The following LGR5 variants were observed in gnomAD, a reference collection of about 807,000 sequenced individuals.
LGR5 encodes the protein leucine-rich repeat-containing G protein-coupled receptor 5.
LGR5 carries 54 observed loss-of-function variants against 76.7 expected under a neutral mutation model. That is an observed-to-expected ratio of 0.70 (90% CI 0.57 to 0.88). The LOEUF is 0.88. Among genes scored for constraint, LGR5 ranks in the 40% least tolerant of loss-of-function variants. LGR5 has a pLI of 0.00. For synonymous variants in LGR5, 406 were observed against 421.9 expected, an observed-to-expected ratio of 0.96 and a Z score of 0.46; for missense variants, 1,078 against 1,073.3, an observed-to-expected ratio of 1.00 and a Z score of -0.06.
intron 14 of LGR5, 29 bp from the exon 15 acceptor site, chr12:71,578,775 A>C (rs765085045): frequency 6.3e-7 from 1 of 1,579,716 alleles, no homozygotes; most frequent in Non-Finnish European, 8.6e-7. Flanking sequence ...ACATAGACTA[A>C]AAGCCAATTG....
chr12:71,530,830 G>A (rs1236130138), intron 3 of LGR5, among the ~76,000 whole-genome samples: 1 of 152,108 alleles, frequency 6.6e-6, no homozygotes, highest in East Asian at 1.9e-4. Flanking sequence ...CTGTTCTCAT[G>A]TAGACCCAGA....
At chr12:71,444,591 C>T (rs1487110960) in intron 1 of LGR5, among the ~76,000 whole-genome samples, 1 of 151,998 alleles carries the variant, frequency 6.6e-6, no homozygotes, top group Admixed American at 6.6e-5. Context: ...GCATTTTCCT[C>T]AAAGTAAAGG....
chr12:71,531,211 A>G (rs1330067025), intron 3 of LGR5, among the ~76,000 whole-genome samples: 1 of 152,208 alleles, frequency 6.6e-6, no homozygotes, highest in African/African-American at 2.4e-5. Context: ...ACCTATATTC[A>G]GTATCTTTAT....
chr12:71,563,421 C>T (rs949065765), intron 8 of LGR5, among the ~76,000 whole-genome samples: 10 of 152,210 alleles, frequency 6.6e-5, no homozygotes, highest in African/African-American at 2.4e-4. Context: ...TGGCAGCACT[C>T]ATCTTCCTTG....
At chr12:71,582,942 GAGGA>G (rs72361433) in intron 17 of LGR5, among the ~76,000 whole-genome samples, 12,424 of 143,204 alleles carry the variant, frequency 0.087, 581 homozygotes, top group African/African-American at 0.11. Context: ...GTACAGATAA[GAGGA>G]AGGAAGGAAG....
chr12:71,584,194 T>G lies in LGR5; in HGVS notation c.2184T>G (p.Ala728=). The change falls in exon 18 of 18, where the codon GCT becomes GCG. Residue 728 remains alanine (A), a synonymous_variant. Transcript: ENST00000266674. ...GEPSTMGYMV[A]LILLNSLCFL... ...CCAGCACCATGGGCTACATGGTCGC[T>G]CTCATCTTGCTCAATTCCCTTTGCT... The G allele has an allele frequency of 6.2e-7, 1 of 1,614,134 alleles. No individual in the cohort carries two copies. The highest frequency in any genetic ancestry group is 8.5e-7 in the Non-Finnish European group (1 of 1,180,000).
Position 71,440,438 on chromosome 12 carries a change from G to C in LGR5, c.212+146G>C. 1.4e-6 allele frequency: 1 copy of C among 735,598 alleles called. No individual in the cohort carries two copies. The highest frequency in any genetic ancestry group is 1.6e-5 in the South Asian group (1 of 60,962). 45.6% of individuals were successfully genotyped at this position (735,598 alleles called of 1,614,324 possible). Reference sequence around the variant, plus strand: ...AAGGGCATCCTGGCCAGGCCTGTTAGGGCCCCCAGAGAAATGCACGTGTCT... The same window carrying C: ...AAGGGCATCCTGGCCAGGCCTGTTACGGCCCCCAGAGAAATGCACGTGTCT... On this transcript the variant is annotated intron_variant, in intron 1 of 17. Transcript: ENST00000266674. This position sits in a 1 kb window ranked among gnomAD's most constrained non-coding sequence, Gnocchi z 5.3.
chr12:71,469,208 A>C (rs1165042111), intron 1 of LGR5, among the ~76,000 whole-genome samples: 1 of 152,232 alleles, frequency 6.6e-6, no homozygotes, highest in East Asian at 1.9e-4. Flanking sequence ...ACCGACTTCC[A>C]AAGAGATTAT....
intron 4 of LGR5, among the ~76,000 whole-genome samples, chr12:71,552,093 G>A (rs1877513285): frequency 6.6e-6 from 1 of 151,904 alleles, no homozygotes; most frequent in Admixed American, 6.6e-5. Flanking sequence ...GGCAGGTGGG[G>A]GGCAAGGGGA....
At chr12:71,481,229 G>A (rs12815450) in intron 1 of LGR5, among the ~76,000 whole-genome samples, 13,572 of 151,996 alleles carry the variant, frequency 0.089, 648 homozygotes, top group Non-Finnish European at 0.11. Flanking sequence ...TATTTGTCCT[G>A]ATGATATCCC....
chr12:71,577,891 A>G (rs778534541), intron 13 of LGR5, 34 bp from the exon 14 acceptor site: 12 of 1,356,818 alleles, frequency 8.8e-6, no homozygotes, highest in East Asian at 2.3e-5. Flanking sequence ...TCTTTATTCT[A>G]TATAATTCTC....
At chr12:71,567,074 T>C (rs1878387846) in intron 11 of LGR5, 162 bp downstream of exon 11, 3 of 630,980 alleles carry the variant, frequency 4.8e-6, no homozygotes, top group Admixed American at 5.0e-5. Context: ...CCAGGCTCTC[T>C]GACATGATCC....
At chr12:71,553,907 A>G (rs1410309201) in intron 5 of LGR5, among the ~76,000 whole-genome samples, 1 of 152,176 alleles carries the variant, frequency 6.6e-6, no homozygotes, top group Non-Finnish European at 1.5e-5. Flanking sequence ...CCTGGTCAAC[A>G]TGGTGAAACC....
At chr12:71,466,411 G>A (rs1872865545) in intron 1 of LGR5, among the ~76,000 whole-genome samples, 1 of 152,114 alleles carries the variant, frequency 6.6e-6, no homozygotes, top group Non-Finnish European at 1.5e-5. Flanking sequence ...TCCTTGCTTG[G>A]TAAAATATTA....
intron 1 of LGR5, among the ~76,000 whole-genome samples, chr12:71,499,839 C>G (rs561999851): frequency 3.3e-5 from 5 of 152,176 alleles, no homozygotes; most frequent in African/African-American, 1.2e-4. Context: ...AGCAGTGGCT[C>G]TGTGTAGAGT....
In LGR5 at chr12:71,572,929, T is replaced by A; in HGVS notation, c.1208+8T>A. 1 of 1,607,130 alleles carries A rather than the reference T, an allele frequency of 6.2e-7. No individual in the cohort carries two copies. Among genetic ancestry groups the A allele is most frequent in the Non-Finnish European group, 8.5e-7 (1 of 1,173,600 alleles). ...GCTTAGCCTCCGATCGCTGTGAGTA[T>A]CACCTCCCAGTGCGTTCCCCAGCAC... On this transcript the variant is annotated splice_region_variant and intron_variant, in intron 13 of 17. Coordinates refer to ENST00000266674, the MANE Select transcript of LGR5 (RefSeq NM_003667.4).
chr12:71,559,601 T>C lies in LGR5; in HGVS notation c.732T>C (p.Asn244=). 6.4e-7 allele frequency: 1 copy of C among 1,562,892 alleles called. No individual in the cohort carries two copies. The highest frequency in any genetic ancestry group is 8.8e-7 in the Non-Finnish European group (1 of 1,133,754). Residue 244 remains asparagine (N), a synonymous_variant, in exon 7 of 18, where the codon AAT becomes AAC. Transcript: ENST00000266674. ...TCATTTTCAGAGATTTAAATTACAA[T>C]AACCTTGATGAATTCCCCACTGCAA... ...HSLETLDLNY[N]NLDEFPTAIR...
At chr12:71,541,167 T>C (rs761563538) in intron 4 of LGR5, among the ~76,000 whole-genome samples, 11 of 152,168 alleles carry the variant, frequency 7.2e-5, no homozygotes, top group Non-Finnish European at 1.3e-4. Context: ...AATTTGAACA[T>C]TGGGGAGAAT....
At chr12:71,468,526 C>G (rs1242346632) in intron 1 of LGR5, among the ~76,000 whole-genome samples, 1 of 152,076 alleles carries the variant, frequency 6.6e-6, no homozygotes, top group East Asian at 1.9e-4. Flanking sequence ...GTGGTCCTAC[C>G]TAAAGATTAA....
Sources: gnomAD v4.1 joint callset for allele counts (sites outside exome capture counted in the v4.1 genomes callset) on GRCh38, gnomAD v4.1.1 for gene constraint, Gnocchi (gnomAD v3.1) non-coding constraint, MANE v1.5 for transcripts, NCBI Gene and HGNC (gene_info 2026-07-23, HGNC 2026-07-21) for gene names.